Variants in SLC37A3 observed in about 807,000 individuals in gnomAD.
SLC37A3 encodes solute carrier family 37 member 3, also known as sugar phosphate exchanger 3.
Under a neutral mutation model 67.1 loss-of-function variants are expected in SLC37A3, and 51 were observed. The observed-to-expected ratio is 0.76, with a 90% CI of 0.61 to 0.96. The LOEUF is 0.96. Ranked by LOEUF, SLC37A3 falls within the 40% of genes least tolerant of loss-of-function variation. The pLI is 0.00. For synonymous variants in SLC37A3, 214 were observed against 231.4 expected (o/e 0.92, Z 0.68); for missense variants, 508 against 603.0 (o/e 0.84, Z 1.65).
At position 140,380,298 on chromosome 7, in the gene SLC37A3, A is replaced by C; in HGVS notation, c.182T>G (p.Val61Gly). Residue 61 changes from valine (V) to glycine (G), a missense_variant, in exon 3 of 15, where the codon GTT becomes GGT. Physicochemically the swap from Val to Gly is moderately radical, Grantham distance 109. Coordinates refer to ENST00000326232, the MANE Select transcript of SLC37A3 (RefSeq NM_207113.3). ...TCTGCTTACCTCCACAGGCAGCTCA[A>C]CTGACGTGTTAAAAGCACTTGGGGT... ...QWTPSAFNTS[V>G]ELPVEIWSSN... 6.2e-7 allele frequency: 1 copy of C among 1,612,108 alleles called. No individual in the cohort carries two copies.
At chr7:140,388,473 G>A (rs1043516209) in intron 1 of SLC37A3, among the ~76,000 whole-genome samples, 12 of 141,826 alleles carry the variant, frequency 8.5e-5, no homozygotes, top group East Asian at 2.1e-4. Context: ...ATTCTCTCCA[G>A]AAAAAAAAAA....
At chr7:140,360,846 T>C (rs528328871) in intron 5 of SLC37A3, among the ~76,000 whole-genome samples, 20 of 151,624 alleles carry the variant, frequency 1.3e-4, no homozygotes, top group Non-Finnish European at 2.4e-4. Flanking sequence ...GGAGAGCTAA[T>C]ATGCCCATCT....
Position 140,382,594 on chromosome 7 carries a change from C to T in SLC37A3, c.-68G>A, listed in dbSNP as rs1314917759. 1.4e-6 allele frequency: 2 copies of T among 1,391,206 alleles called. No homozygotes were observed. Among genetic ancestry groups the T allele is most frequent in the Non-Finnish European group, 2.0e-6 (2 of 985,002 alleles). The allele number at this position is 1,391,206 out of a possible 1,614,324, so 86.2% of individuals were successfully genotyped here. A position where few individuals can be genotyped will look rare whatever the true frequency, so the allele number is the denominator to read the frequency against. On this transcript the variant is annotated splice_region_variant and 5_prime_UTR_variant, in exon 2 of 15. Transcript: ENST00000326232. ...GATGAGTGATTTACATCATTTCTTC[C>T]TTCTGGAAAGACAAAACACATTATG...
In SLC37A3 at chr7:140,365,854, T is replaced by C. The variant is rs1274644839; in HGVS notation, c.292-1363A>G. ...TCTAGCTGCCCCTCATATGGACTTATGCTACACAGAACAAAAGGGATGAAG... is the reference window on the plus strand; with the variant it reads ...TCTAGCTGCCCCTCATATGGACTTACGCTACACAGAACAAAAGGGATGAAG... On this transcript the variant is annotated intron_variant, in intron 4 of 14. Coordinates refer to ENST00000326232, the MANE Select transcript of SLC37A3 (RefSeq NM_207113.3). Among the ~76,000 whole-genome samples, 4 of 149,624 alleles carry C rather than the reference T, an allele frequency of 2.7e-5. No individual in the cohort carries two copies. In the South Asian group the frequency reaches 6.4e-4, roughly 24 times the overall value.
chr7:140,349,666 C>T (rs942802924), intron 9 of SLC37A3, among the ~76,000 whole-genome samples: 8 of 152,188 alleles, frequency 5.3e-5, no homozygotes, highest in Non-Finnish European at 1.0e-4. Flanking sequence ...ACAGCCACCC[C>T]CTAGAGAGCC....
intron 6 of SLC37A3, 126 bp from the exon 7 acceptor site, chr7:140,355,890 GT>G: frequency 1.3e-6 from 1 of 759,720 alleles, no homozygotes; most frequent in Non-Finnish European, 2.2e-6. Context: ...TATTTAAAAA[GT>G]TTTTAAAAAT....
intron 5 of SLC37A3, among the ~76,000 whole-genome samples, chr7:140,362,335 G>A (rs1217570217): frequency 7.0e-6 from 1 of 143,710 alleles, no homozygotes; most frequent in East Asian, 2.2e-4. Flanking sequence ...TCTGAGAAGT[G>A]AGGAGCCCCT....
intron 5 of SLC37A3, among the ~76,000 whole-genome samples, 181 bp downstream of exon 5, chr7:140,364,227 G>A (rs1797505631): frequency 6.8e-6 from 1 of 148,130 alleles, no homozygotes. Context: ...CTCCAGCCTG[G>A]GGTAATAGAG....
chr7:140,355,447 C>T (rs13232870), intron 7 of SLC37A3, among the ~76,000 whole-genome samples: 62,901 of 151,932 alleles, frequency 0.41, 13,352 homozygotes, highest in Non-Finnish European at 0.46. Context: ...CTCCCGACCT[C>T]GGCTGATCCG....
Position 140,360,717 on chromosome 7 carries a change from G to A in SLC37A3, c.376-1932C>T, listed in dbSNP as rs377586637. ...CCACTGCACTCCAGCTTGGGTGACAGAGCAAGACTCCGTTTAAAAAAAAAA... is the reference window on the plus strand; with the variant it reads ...CCACTGCACTCCAGCTTGGGTGACAAAGCAAGACTCCGTTTAAAAAAAAAA... On this transcript the variant is annotated intron_variant, in intron 5 of 14. Transcript: ENST00000326232. Among the ~76,000 whole-genome samples the A allele has an allele frequency of 7.8e-3, 1,076 of 138,138 alleles. 11 individuals carry two copies. Among genetic ancestry groups the A allele is most frequent in the African/African-American group, 0.027 (1,007 of 37,140 alleles). The allele number at this position is 138,138 out of a possible 152,430, so 90.6% of individuals were successfully genotyped here. A position where few individuals can be genotyped will look rare whatever the true frequency, so the allele number is the denominator to read the frequency against.
intron 1 of SLC37A3, among the ~76,000 whole-genome samples, chr7:140,391,535 G>A (rs925681861): frequency 6.6e-6 from 1 of 152,176 alleles, no homozygotes; most frequent in Non-Finnish European, 1.5e-5. Flanking sequence ...CGGTCTGGGC[G>A]ACAGAGTGAG....
intron 2 of SLC37A3, among the ~76,000 whole-genome samples, chr7:140,381,210 CT>C (rs1798239141): frequency 2.2e-5 from 2 of 92,280 alleles, no homozygotes; most frequent in African/African-American, 7.8e-5. Context: ...GAATTCTTCT[CT>C]TTAAAAAAAA....
intron 10 of SLC37A3, among the ~76,000 whole-genome samples, chr7:140,346,306 G>A (rs1172033535): frequency 1.3e-5 from 2 of 152,108 alleles, no homozygotes; most frequent in East Asian, 3.9e-4. Context: ...TGTGAACCTG[G>A]GAGGCGGAGC....
chr7:140,351,273 C>T lies in SLC37A3; in HGVS notation c.882G>A (p.Pro294=), dbSNP rs770276475. ...YQACCLPGVI[P]YSLAYACLKL... Reference sequence around the variant, plus strand: ...GTGGTAAGATGTAAGCGGTCCTTACCGGTATGACTCCAGGAAGGCAACATG... The same window carrying T: ...GTGGTAAGATGTAAGCGGTCCTTACTGGTATGACTCCAGGAAGGCAACATG... Residue 294 remains proline, a splice_region_variant and synonymous_variant, in exon 9 of 15, where the codon CCG becomes CCA. Transcript: ENST00000326232. 17 of 1,613,572 alleles carry T rather than the reference C, an allele frequency of 1.1e-5. No individual in the cohort carries two copies. The highest frequency in any genetic ancestry group is 4.4e-5 in the South Asian group (4 of 91,014).
chr7:140,379,886 ACTCTGTT>A (rs1798181808), intron 3 of SLC37A3: 1 of 140,118 alleles, frequency 7.1e-6, no homozygotes, highest in Non-Finnish European at 1.6e-5. Flanking sequence ...ACAGAATGAT[ACTCTGTT>A]TAAAAAAAAA....
intron 9 of SLC37A3, among the ~76,000 whole-genome samples, 165 bp downstream of exon 9, chr7:140,351,108 G>A (rs192555289): frequency 1.3e-5 from 2 of 152,280 alleles, no homozygotes; most frequent in Non-Finnish European, 2.9e-5. Context: ...CTGCATTAGA[G>A]ATCAGATAAG....
chr7:140,390,352 T>C (rs898091547), intron 1 of SLC37A3, among the ~76,000 whole-genome samples: 6 of 152,032 alleles, frequency 3.9e-5, no homozygotes. Context: ...CCTAGTTACA[T>C]GGTTAGCAGG....
At chr7:140,358,971 C>T (rs541839592) in intron 5 of SLC37A3, among the ~76,000 whole-genome samples, 186 bp from the exon 6 acceptor site, 1 of 152,136 alleles carries the variant, frequency 6.6e-6, no homozygotes, top group South Asian at 2.1e-4. Context: ...GGCAGCCACC[C>T]AATCACTGCC....
At chr7:140,365,491 C>G (rs1310094364) in intron 4 of SLC37A3, among the ~76,000 whole-genome samples, 3 of 152,052 alleles carry the variant, frequency 2.0e-5, no homozygotes. Flanking sequence ...GAGGCCAAGG[C>G]AGGTGGATCA....
Sources: allele counts gnomAD v4.1 joint callset (sites outside exome capture counted in the v4.1 genomes callset), GRCh38; gene constraint gnomAD v4.1.1; transcripts MANE v1.5; gene names NCBI Gene and HGNC (gene_info 2026-07-23, HGNC 2026-07-21).